Variants in USP4 observed in about 807,000 individuals in gnomAD.
USP4 encodes the protein ubiquitin specific peptidase 4, also known as ubiquitin carboxyl-terminal hydrolase 4.
A neutral mutation model predicts 118.2 loss-of-function variants in USP4; 72 were observed. The observed-to-expected ratio is 0.61, with a 90% CI of 0.50 to 0.74. The LOEUF is 0.74. Ranked by LOEUF, USP4 falls within the 30% of genes least tolerant of loss-of-function variation. USP4 has a pLI of 0.00. For synonymous variants in USP4, 415 were observed against 440.4 expected (o/e 0.94, Z 0.72); for missense variants, 1,037 against 1,185.7 (o/e 0.87, Z 1.84).
At chr3:49,278,758 T>C (rs1225522318) in intron 21 of USP4, 56 bp downstream of exon 21, 2 of 1,351,138 alleles carry the variant, frequency 1.5e-6, no homozygotes, top group Non-Finnish European at 2.1e-6. Flanking sequence ...TAGAGGCTCT[T>C]CCCAGCTTTA....
chr3:49,333,042 C>A, intron 2 of USP4, among the ~76,000 whole-genome samples: 1 of 144,474 alleles, frequency 6.9e-6, no homozygotes. Context: ...GACAAGATGG[C>A]ACCTTGTCTC....
intron 1 of USP4, among the ~76,000 whole-genome samples, chr3:49,337,747 T>C (rs1405874357): frequency 6.6e-6 from 1 of 151,786 alleles, no homozygotes; most frequent in Non-Finnish European, 1.5e-5. Context: ...TGTTTATATT[T>C]TTAAAGTATC....
At chr3:49,304,061 C>A (rs1167903491) in intron 9 of USP4, among the ~76,000 whole-genome samples, 1 of 152,122 alleles carries the variant, frequency 6.6e-6, no homozygotes, top group Non-Finnish European at 1.5e-5. Flanking sequence ...CCGTTGCCAC[C>A]CAATTCTAGT....
chr3:49,304,462 C>T (rs753454284), intron 9 of USP4, among the ~76,000 whole-genome samples: 16 of 152,158 alleles, frequency 1.1e-4, no homozygotes, highest in Non-Finnish European at 2.2e-4. Flanking sequence ...GTGATAACTG[C>T]CCCTCACATC....
chr3:49,283,323 A>T (rs1454014390), intron 19 of USP4, among the ~76,000 whole-genome samples: 1 of 150,916 alleles, frequency 6.6e-6, no homozygotes, highest in African/African-American at 2.4e-5. Flanking sequence ...CTATTTTTTT[A>T]AATATATTTT....
chr3:49,325,821 T>G lies in USP4; in HGVS notation c.385A>C (p.Lys129Gln). The G allele has an allele frequency of 6.2e-7, 1 of 1,613,712 alleles. No homozygotes were observed. ...AAATACACCTCGACTTTGCAGTGCT[T>G]GACAAACAGGCCATGCTCCACAACC... The part of the protein sequence containing the change: ...RKVVEHGLFV[K>Q]HCKVEVYLLE... The change falls in exon 4 of 22, where the codon AAG becomes CAG. Residue 129 changes from lysine to glutamine, a missense_variant. Physicochemically the swap from Lys to Gln is moderately conservative, Grantham distance 53. Coordinates refer to ENST00000265560, the MANE Select transcript of USP4 (RefSeq NM_003363.4).
At chr3:49,281,493 C>T (rs74991211) in intron 19 of USP4, among the ~76,000 whole-genome samples, 16,527 of 76,298 alleles carry the variant, frequency 0.22, 1,093 homozygotes, top group East Asian at 0.37. Context: ...TATATATATA[C>T]ACACACACAC....
Position 49,339,994 on chromosome 3 carries a change from G to A in USP4, c.31C>T (p.Pro11Ser). The A allele has an allele frequency of 3.1e-6, 5 of 1,611,066 alleles. No individual in the cohort carries two copies. Among genetic ancestry groups the A allele is most frequent in the Admixed American group, 1.7e-5 (1 of 60,020 alleles). ...TCGGACTTCTGAGTCTCCGCATCCGGTCGCTCACGGCAGCCTCCACCTTCC... is the reference window on the plus strand; with the variant it reads ...TCGGACTTCTGAGTCTCCGCATCCGATCGCTCACGGCAGCCTCCACCTTCC... Reference protein sequence around the residue: MAEGGGCRERPDAETQKSELG... With the variant: MAEGGGCRERSDAETQKSELG... Residue 11 changes from proline (P) to serine (S), a missense_variant, in exon 1 of 22, where the codon CCG becomes TCG. Around this residue, in one of 3 missense-constraint regions of USP4, gnomAD observed 487 missense variants for 534.1 expected, o/e 0.91. Transcript: ENST00000265560.
At position 49,327,746 on chromosome 3, in the gene USP4, C is replaced by T. The variant is rs759759461; in HGVS notation, c.300G>A (p.Ala100=). The T allele has an allele frequency of 5.4e-5, 87 of 1,613,894 alleles. No individual in the cohort carries two copies. The highest frequency in any genetic ancestry group is 6.9e-5 in the Non-Finnish European group (81 of 1,179,962). The change falls in exon 3 of 22, where the codon GCG becomes GCA. Residue 100 remains alanine, a synonymous_variant. Transcript: ENST00000265560. The part of the protein sequence containing the change: ...ELDYVLVPTE[A]WNKLLNWYGC... ...CGTACCAGTTTAGTAGTTTATTCCA[C>T]GCCTCGGTAGGGACCAATACATAGT... is the stretch of plus-strand genomic sequence containing the variant.
intron 13 of USP4, among the ~76,000 whole-genome samples, chr3:49,297,624 C>G (rs1559468888): frequency 1.3e-5 from 2 of 152,082 alleles, no homozygotes; most frequent in Non-Finnish European, 2.9e-5. Flanking sequence ...ATAGGCAAAA[C>G]TGTTGAAAAA....
At chr3:49,298,668 T>A (rs1272185727) in intron 11 of USP4, 33 bp from the exon 12 acceptor site, 1 of 1,606,072 alleles carries the variant, frequency 6.2e-7, no homozygotes, top group Admixed American at 1.7e-5. Flanking sequence ...GTCACAGGGG[T>A]GCCCCACAAA....
At chr3:49,292,706 C>T in intron 14 of USP4, 108 bp from the exon 15 acceptor site, 1 of 717,698 alleles carries the variant, frequency 1.4e-6, no homozygotes, top group East Asian at 3.0e-5. Context: ...TGGATGATAG[C>T]TACTGACAAA....
chr3:49,287,240 C>T lies in USP4; in HGVS notation c.1973-915G>A, dbSNP rs151019961. Among the ~76,000 whole-genome samples the T allele has an allele frequency of 6.9e-3, 1,054 of 152,232 alleles. 9 individuals are homozygous for T. Among genetic ancestry groups the T allele is most frequent in the African/African-American group, 0.024 (1,004 of 41,540 alleles). The stretch of plus-strand genomic sequence containing the variant: ...CGTGATCTCAGCTCACTGCAACCTC[C>T]GCCTTCTGGGTTCAAGCAATTCTCC... On this transcript the variant is annotated intron_variant, in intron 15 of 21. Transcript: ENST00000265560.
chr3:49,295,704 G>GCA (rs1219615307), intron 13 of USP4, among the ~76,000 whole-genome samples: 9 of 139,180 alleles, frequency 6.5e-5, no homozygotes, highest in African/African-American at 2.6e-4. Flanking sequence ...GCACGTGTGC[G>GCA]CGCGCGCGCG....
At chr3:49,296,886 C>T (rs985719946) in intron 13 of USP4, among the ~76,000 whole-genome samples, 3 of 152,168 alleles carry the variant, frequency 2.0e-5, no homozygotes, top group Admixed American at 6.5e-5. Context: ...ATGTTAAGGG[C>T]TTGGGGTTAT....
chr3:49,290,673 C>A (rs1336784975), intron 15 of USP4, among the ~76,000 whole-genome samples: 1 of 152,164 alleles, frequency 6.6e-6, no homozygotes, highest in South Asian at 2.1e-4. Flanking sequence ...CACTGCCATG[C>A]CTGGCTAATT....
At chr3:49,319,935 T>G (rs2047481925) in intron 6 of USP4, among the ~76,000 whole-genome samples, 1 of 152,056 alleles carries the variant, frequency 6.6e-6, no homozygotes. Context: ...TCTTGTGTTT[T>G]GAGACAAGCT....
At chr3:49,338,918 C>A (rs927043942) in intron 1 of USP4, among the ~76,000 whole-genome samples, 1 of 152,078 alleles carries the variant, frequency 6.6e-6, no homozygotes, top group Non-Finnish European at 1.5e-5. Context: ...GAGGCCGAGG[C>A]GGGTGGATCA....
chr3:49,315,755 G>A (rs551387348), intron 6 of USP4, among the ~76,000 whole-genome samples: 1 of 152,222 alleles, frequency 6.6e-6, no homozygotes, highest in African/African-American at 2.4e-5. Context: ...CTGATACCAT[G>A]GTGGGACCCT....
Sources: gnomAD v4.1 joint callset for allele counts (sites outside exome capture counted in the v4.1 genomes callset) on GRCh38, gnomAD v4.1.1 for gene constraint, gnomAD v4.1.1 regional missense constraint, MANE v1.5 for transcripts, NCBI Gene and HGNC (gene_info 2026-07-23, HGNC 2026-07-21) for gene names.